The following MECOM variants were observed in gnomAD, a reference collection of about 807,000 sequenced individuals.
MECOM encodes MDS1 and EVI1 complex locus.
Under a neutral mutation model 116.3 loss-of-function variants are expected in MECOM, and 13 were observed. The ratio of observed to expected loss-of-function variants is 0.11; its 90% confidence interval spans 0.07 to 0.18. The LOEUF (loss-of-function observed/expected upper bound fraction) is 0.18. Among genes scored for constraint, MECOM ranks in the 10% least tolerant of loss-of-function variants. The pLI, the probability that MECOM is intolerant of heterozygous loss-of-function variation, is 1.00. For synonymous variants in MECOM, 528 were observed against 535.2 expected (o/e 0.99, Z 0.19); for missense variants, 1,299 against 1,509.0 (o/e 0.86, Z 2.31).
chr3:169,321,751 A>G (rs2149753224), intron 2 of MECOM, among the ~76,000 whole-genome samples: 1 of 152,308 alleles, frequency 6.6e-6, no homozygotes, highest in Non-Finnish European at 1.5e-5. Flanking sequence ...GAGGTCAAAC[A>G]TGAACAGCAG....
chr3:169,626,493 T>C (rs1297644070), intron 1 of MECOM, among the ~76,000 whole-genome samples: 2 of 152,146 alleles, frequency 1.3e-5, no homozygotes, highest in African/African-American at 2.4e-5. Context: ...CCTCTCTCTC[T>C]CTCTCACTCA....
chr3:169,215,242 C>CTTTT (rs34865565), intron 2 of MECOM, among the ~76,000 whole-genome samples: 3 of 138,168 alleles, frequency 2.2e-5, no homozygotes, highest in African/African-American at 2.6e-5. Flanking sequence ...CTCCTCTTTC[C>CTTTT]TTTTTTTTTT....
At chr3:169,099,983 C>G (rs539676329) in intron 12 of MECOM, among the ~76,000 whole-genome samples, 113 of 151,722 alleles carry the variant, frequency 7.4e-4, no homozygotes, top group African/African-American at 2.7e-3. Context: ...GATAAAATTG[C>G]CCGTTTTTCT....
intron 3 of MECOM, among the ~76,000 whole-genome samples, chr3:169,132,122 A>C (rs927998359): frequency 2.0e-5 from 3 of 152,256 alleles, no homozygotes; most frequent in African/African-American, 7.2e-5. Context: ...TCCTGCCCTC[A>C]GGCCCAGCTC....
chr3:169,231,596 G>A (rs12494190), intron 2 of MECOM, among the ~76,000 whole-genome samples: 51,238 of 151,762 alleles, frequency 0.34, 9,598 homozygotes, highest in Middle Eastern at 0.52. Context: ...CTGAGGAAAT[G>A]ATATTTGAGC....
At chr3:169,344,081 G>A (rs1724979486) in intron 2 of MECOM, among the ~76,000 whole-genome samples, 1 of 151,544 alleles carries the variant, frequency 6.6e-6, no homozygotes, top group Non-Finnish European at 1.5e-5. Flanking sequence ...TTTTCCTTTG[G>A]GATAAAAAAT....
chr3:169,185,188 T>C (rs1746540260), intron 2 of MECOM, among the ~76,000 whole-genome samples: 1 of 152,170 alleles, frequency 6.6e-6, no homozygotes, highest in Non-Finnish European at 1.5e-5. Flanking sequence ...GATAGTATCT[T>C]TGAATGGACA....
chr3:169,659,758 T>G (rs1433237760), intron 1 of MECOM, among the ~76,000 whole-genome samples: 1 of 151,952 alleles, frequency 6.6e-6, no homozygotes, highest in East Asian at 1.9e-4. Context: ...CTGGGTGTTG[T>G]GTTTGTTGTT....
At chr3:169,465,086 C>T (rs1383753878) in intron 1 of MECOM, among the ~76,000 whole-genome samples, 2 of 152,104 alleles carry the variant, frequency 1.3e-5, no homozygotes, top group South Asian at 2.1e-4. Flanking sequence ...TTATTACTAA[C>T]AAATTTCTCA....
At chr3:169,446,005 A>G (rs1379337307) in intron 1 of MECOM, among the ~76,000 whole-genome samples, 1 of 152,202 alleles carries the variant, frequency 6.6e-6, no homozygotes, top group Non-Finnish European at 1.5e-5. Flanking sequence ...GCTAGGAAGC[A>G]ACTAGGTTGT....
At chr3:169,220,695 A>G (rs377611006) in intron 2 of MECOM, among the ~76,000 whole-genome samples, 1 of 152,072 alleles carries the variant, frequency 6.6e-6, no homozygotes. Flanking sequence ...GGCTGGTCTC[A>G]AACTCCTGAC....
chr3:169,096,298 T>C (rs184785746), intron 12 of MECOM, among the ~76,000 whole-genome samples: 145 of 150,562 alleles, frequency 9.6e-4, no homozygotes, highest in African/African-American at 3.5e-3. Flanking sequence ...TTAGATGGAG[T>C]CTCACTCTGT....
intron 1 of MECOM, among the ~76,000 whole-genome samples, chr3:169,662,908 C>T (rs1368910806): frequency 6.6e-6 from 1 of 151,988 alleles, no homozygotes; most frequent in Non-Finnish European, 1.5e-5. Flanking sequence ...CTCCCACACC[C>T]GGGACTAGCT....
chr3:169,453,106 A>G (rs1438831905), intron 1 of MECOM, among the ~76,000 whole-genome samples: 1 of 152,200 alleles, frequency 6.6e-6, no homozygotes, highest in Non-Finnish European at 1.5e-5. Context: ...ATTGAAAGTC[A>G]CAGAGAGCCC....
intron 1 of MECOM, among the ~76,000 whole-genome samples, chr3:169,487,904 T>C (rs1752598506): frequency 6.6e-6 from 1 of 152,066 alleles, no homozygotes; most frequent in Non-Finnish European, 1.5e-5. Context: ...TATACTTCAA[T>C]GAAAAAATCA....
chr3:169,355,625 T>C (rs1727146310), intron 2 of MECOM, among the ~76,000 whole-genome samples: 1 of 151,956 alleles, frequency 6.6e-6, no homozygotes, highest in African/African-American at 2.4e-5. Context: ...TTATTATCAG[T>C]AAAAGCAACA....
intron 2 of MECOM, among the ~76,000 whole-genome samples, chr3:169,327,413 G>A (rs1474809509): frequency 6.6e-6 from 1 of 152,106 alleles, no homozygotes; most frequent in Non-Finnish European, 1.5e-5. Context: ...GCCAAGGTGG[G>A]CAGATCACAA....
At chr3:169,205,084 G>A (rs1480108829) in intron 2 of MECOM, among the ~76,000 whole-genome samples, 1 of 152,104 alleles carries the variant, frequency 6.6e-6, no homozygotes, top group Non-Finnish European at 1.5e-5. Flanking sequence ...CATCTTGGAG[G>A]CTTAAAATAG....
intron 2 of MECOM, among the ~76,000 whole-genome samples, chr3:169,173,679 A>G (rs1203533502): frequency 6.6e-6 from 1 of 152,184 alleles, no homozygotes; most frequent in Non-Finnish European, 1.5e-5. Flanking sequence ...TATAGCACCC[A>G]GCTCCTTGCA....
Sources: gnomAD v4.1 joint callset for allele counts (sites outside exome capture counted in the v4.1 genomes callset) on GRCh38, gnomAD v4.1.1 for gene constraint, MANE v1.5 for transcripts, NCBI Gene and HGNC (gene_info 2026-07-23, HGNC 2026-07-21) for gene names.